GAGE10: variants seen among roughly 807,000 people sequenced by gnomAD.
The protein encoded by GAGE10 is G antigen 10.
A neutral mutation model predicts 11.5 loss-of-function variants in GAGE10; 9 were observed. The observed-to-expected ratio is 0.78, with a 90% CI of 0.47 to 1.37. The LOEUF (loss-of-function observed/expected upper bound fraction) is 1.37. Ranked by LOEUF, GAGE10 falls within the 40% of genes most tolerant of loss-of-function variation. The probability of loss-of-function intolerance (pLI) is 0.00; values close to 1 mark genes in which losing one functional copy is unlikely to be tolerated. For synonymous variants in GAGE10, 23 were observed against 29.7 expected (o/e 0.77, Z 0.73); for missense variants, 83 against 92.9 (o/e 0.89, Z 0.44).
chrX:49,309,369 G>A (rs78291014), intron 3 of GAGE10, among the ~76,000 whole-genome samples: 2 of 112,431 alleles, frequency 1.8e-5, no homozygotes, highest in Admixed American at 1.9e-4. Context: ...ATGGCGGGCC[G>A]AAGGCACTAC....
intron 3 of GAGE10, among the ~76,000 whole-genome samples, chrX:49,306,219 A>G (rs2066356404): frequency 8.9e-6 from 1 of 112,324 alleles, no homozygotes; most frequent in Admixed American, 9.4e-5. Context: ...TTTCAAACAA[A>G]ACATTTATGT....
intron 3 of GAGE10, among the ~76,000 whole-genome samples, chrX:49,314,455 T>G (rs2066384802): frequency 8.9e-6 from 1 of 112,609 alleles, no homozygotes; most frequent in Admixed American, 9.4e-5. Flanking sequence ...ACTGCTCTGC[T>G]AAGGAGTATG....
At chrX:49,315,714 A>G (rs2066389486) in intron 3 of GAGE10, among the ~76,000 whole-genome samples, 1 of 112,394 alleles carries the variant, frequency 8.9e-6, no homozygotes, top group African/African-American at 3.2e-5. Context: ...AGAATGCGCA[A>G]GTTGGCCCAT....
chrX:49,308,087 C>T (rs782665370), intron 3 of GAGE10, among the ~76,000 whole-genome samples: 1 of 112,401 alleles, frequency 8.9e-6, no homozygotes, highest in South Asian at 3.7e-4. Context: ...TTTCCCACTT[C>T]TGTAATATGC....
intron 4 of GAGE10, 74 bp downstream of exon 4, chrX:49,317,362 T>C: frequency 8.8e-7 from 1 of 1,138,261 alleles, no homozygotes; most frequent in Non-Finnish European, 1.2e-6. Context: ...ATTATTACAT[T>C]TTTGAGATGG....
intron 3 of GAGE10, among the ~76,000 whole-genome samples, chrX:49,313,226 A>G (rs1309959423): frequency 8.9e-6 from 1 of 112,298 alleles, no homozygotes; most frequent in Admixed American, 9.4e-5. Flanking sequence ...TTAAAGATCA[A>G]ATGGAAACTG....
intron 3 of GAGE10, among the ~76,000 whole-genome samples, chrX:49,315,366 A>T (rs1385520662): frequency 2.7e-5 from 3 of 112,222 alleles, no homozygotes; most frequent in Non-Finnish European, 5.6e-5. Context: ...GACATAGGAG[A>T]CTGGAAGGAT....
intron 1 of GAGE10, among the ~76,000 whole-genome samples, 193 bp from the exon 2 acceptor site, chrX:49,304,659 T>C (rs1175899153): frequency 8.8e-6 from 1 of 113,043 alleles, no homozygotes; most frequent in Non-Finnish European, 1.9e-5. Context: ...CTTAAGATGA[T>C]TGCTCTGCCA....
intron 3 of GAGE10, among the ~76,000 whole-genome samples, chrX:49,308,314 T>C (rs2066364365): frequency 8.9e-6 from 1 of 112,509 alleles, no homozygotes; most frequent in Non-Finnish European, 1.9e-5. Flanking sequence ...ATTTACTGTC[T>C]CCTTTGTCTG....
chrX:49,317,398 A>G, intron 4 of GAGE10, 110 bp downstream of exon 4: 1 of 1,064,966 alleles, frequency 9.4e-7, no homozygotes, highest in Non-Finnish European at 1.3e-6. Flanking sequence ...ACCAGGCTGG[A>G]GTGCAGTGGT....
chrX:49,304,550 G>A (rs1383168830), intron 1 of GAGE10, among the ~76,000 whole-genome samples: 1 of 111,923 alleles, frequency 8.9e-6, no homozygotes, highest in African/African-American at 3.3e-5. Flanking sequence ...GCTGCAGTGA[G>A]CTGTGATCAC....
intron 3 of GAGE10, among the ~76,000 whole-genome samples, chrX:49,310,263 T>A (rs1234776335): frequency 9.0e-6 from 1 of 111,276 alleles, no homozygotes; most frequent in Non-Finnish European, 1.9e-5. Flanking sequence ...GCTACCAAGG[T>A]GTACATTAAC....
intron 3 of GAGE10, among the ~76,000 whole-genome samples, chrX:49,312,113 G>A (rs2066377797): frequency 8.9e-6 from 1 of 112,066 alleles, no homozygotes; most frequent in African/African-American, 3.2e-5. Context: ...CATAAATACG[G>A]TGAACGAGCC....
At chrX:49,316,589 T>C (rs1173064149) in intron 3 of GAGE10, among the ~76,000 whole-genome samples, 1 of 111,774 alleles carries the variant, frequency 8.9e-6, no homozygotes, top group Non-Finnish European at 1.9e-5. Flanking sequence ...TTCCTTTTTC[T>C]GATCCGGAGT....
chrX:49,317,074 A>G, intron 3 of GAGE10, 89 bp from the exon 4 acceptor site: 2 of 1,014,043 alleles, frequency 2.0e-6, no homozygotes, highest in Non-Finnish European at 2.7e-6. Flanking sequence ...TAAAGCTTTT[A>G]TATAATAACA....
intron 3 of GAGE10, among the ~76,000 whole-genome samples, chrX:49,315,790 T>C (rs2066389745): frequency 8.9e-6 from 1 of 112,265 alleles, no homozygotes; most frequent in Non-Finnish European, 1.9e-5. Context: ...TCTCAACCTT[T>C]GGAGGATTCA....
At chrX:49,314,565 T>A (rs2066385239) in intron 3 of GAGE10, among the ~76,000 whole-genome samples, 1 of 112,593 alleles carries the variant, frequency 8.9e-6, no homozygotes, top group Non-Finnish European at 1.9e-5. Flanking sequence ...GACAGCACTA[T>A]TACAGGTAAA....
At chrX:49,306,472 A>G (rs1397799371) in intron 3 of GAGE10, among the ~76,000 whole-genome samples, 1 of 112,092 alleles carries the variant, frequency 8.9e-6, no homozygotes, top group Non-Finnish European at 1.9e-5. Flanking sequence ...TGAAGTTTCT[A>G]TTTACCTCAA....
chrX:49,306,552 G>C (rs1557124175), intron 3 of GAGE10, among the ~76,000 whole-genome samples: 1 of 112,174 alleles, frequency 8.9e-6, no homozygotes, highest in Non-Finnish European at 1.9e-5. Flanking sequence ...CGATCCTTCA[G>C]AAATTGACAT....
Sources: allele counts gnomAD v4.1 joint callset (sites outside exome capture counted in the v4.1 genomes callset), GRCh38; gene constraint gnomAD v4.1.1; transcripts MANE v1.5; gene names NCBI Gene and HGNC (gene_info 2026-07-23, HGNC 2026-07-21).